Variants in MTA2 observed in about 807,000 individuals in gnomAD.
MTA2 encodes the protein metastasis associated 1 family member 2.
A neutral mutation model predicts 87.1 loss-of-function variants in MTA2; 22 were observed. That is an observed-to-expected ratio of 0.25 (90% CI 0.18 to 0.36). The LOEUF (loss-of-function observed/expected upper bound fraction) is 0.36, where lower values mean the gene tolerates loss of function less well. Ranked by LOEUF, MTA2 falls within the 10% of genes least tolerant of loss-of-function variation. MTA2 has a pLI of 1.00. For synonymous variants in MTA2, 314 were observed against 310.1 expected, an observed-to-expected ratio of 1.01 and a Z score of -0.13; for missense variants, 542 against 853.2, an observed-to-expected ratio of 0.64 and a Z score of 4.54.
rs142808404 is a variant in MTA2 at position 62,594,000 on chromosome 11, C to T, written c.1882G>A (p.Ala628Thr). The change falls in exon 18 of 18, where the codon GCT (alanine) becomes ACT (threonine). Residue 628 changes from alanine (A) to threonine (T), a missense_variant. Physicochemically the swap from Ala to Thr is moderately conservative, Grantham distance 58. Transcript: ENST00000278823. ...AGGGGCAAGTTGGGTCGGCGAGCAG[C>T]TCGCCGCATTTCCAGATGGGTCAGA... is the stretch of plus-strand genomic sequence containing the variant. ...KALTHLEMRR[A>T]ARRPNLPLKV... is the part of the protein sequence containing the mutation. The T allele has an allele frequency of 6.2e-7, 1 of 1,612,672 alleles. No individual in the cohort carries two copies. The highest frequency in any genetic ancestry group is 1.3e-5 in the African/African-American group (1 of 74,928).
At chr11:62,597,492 G>C in intron 7 of MTA2, 77 bp from the exon 8 acceptor site, 4 of 1,520,580 alleles carry the variant, frequency 2.6e-6, no homozygotes, top group Non-Finnish European at 3.6e-6. Context: ...AGCCAAAGGA[G>C]AAAGAAGGAA....
At position 62,598,091 on chromosome 11, in the gene MTA2, G is replaced by C; in HGVS notation, c.423C>G (p.Leu141=). The C allele has an allele frequency of 6.2e-7, 1 of 1,614,048 alleles. No individual in the cohort carries two copies. The highest frequency in any genetic ancestry group is 8.5e-7 in the Non-Finnish European group (1 of 1,180,036). ...LVFDPVQKTL[L]ADQGEIRVGC... is the part of the protein sequence containing the mutation. ...CAACTCTAATCTCGCCCTGATCAGC[G>C]AGAAGTGTCTTCTGCACGGGGTCAA... Residue 141 remains leucine (L), a synonymous_variant, in exon 6 of 18, where the codon CTC becomes CTG. Coordinates refer to ENST00000278823, the MANE Select transcript of MTA2 (RefSeq NM_004739.4).
In MTA2 at chr11:62,595,725, C is replaced by T; in HGVS notation, c.1254+27G>A. On this transcript the variant is annotated intron_variant, in intron 13 of 17. Coordinates refer to ENST00000278823, the MANE Select transcript of MTA2 (RefSeq NM_004739.4). The surrounding 1 kb of genome is among the most constrained non-coding windows in gnomAD (Gnocchi z 4.9). ...ACCATCAATATGCTTACTGCTCTCCCCTGCTTTTCTTCCCACTGATCCTTA... is the reference window on the plus strand; with the variant it reads ...ACCATCAATATGCTTACTGCTCTCCTCTGCTTTTCTTCCCACTGATCCTTA... The T allele has an allele frequency of 6.2e-7, 1 of 1,612,978 alleles. No homozygotes were observed. The highest frequency in any genetic ancestry group is 8.5e-7 in the Non-Finnish European group (1 of 1,179,274).
chr11:62,595,723 C>T lies in MTA2; in HGVS notation c.1254+29G>A. The T allele has an allele frequency of 1.2e-6, 2 of 1,612,810 alleles. No individual in the cohort carries two copies. Among genetic ancestry groups the T allele is most frequent in the Non-Finnish European group, 1.7e-6 (2 of 1,179,188 alleles). On this transcript the variant is annotated intron_variant, in intron 13 of 17. Transcript: ENST00000278823. The surrounding 1 kb of genome is among the most constrained non-coding windows in gnomAD (Gnocchi z 4.9). ...TCACCATCAATATGCTTACTGCTCT[C>T]CCCTGCTTTTCTTCCCACTGATCCT...
chr11:62,596,919 G>C, intron 8 of MTA2, 94 bp from the exon 9 acceptor site: 1 of 1,296,820 alleles, frequency 7.7e-7, no homozygotes, highest in Non-Finnish European at 1.1e-6. Flanking sequence ...GCCGGGCGCG[G>C]TGGCTCACAC....
Position 62,598,698 on chromosome 11 carries a change from G to A in MTA2, c.191-59C>T. On this transcript the variant is annotated intron_variant, in intron 3 of 17. Coordinates refer to ENST00000278823, the MANE Select transcript of MTA2 (RefSeq NM_004739.4). ...AATGGATCCAGCAAAACACCACCCT[G>A]GAAACTCTAACTCAGGGAAAATATT... 5.5e-6 allele frequency: 8 copies of A among 1,446,928 alleles called. No individual in the cohort carries two copies. The East Asian group carries it at 1.8e-4, about 33-fold the overall frequency. 89.6% of individuals were successfully genotyped at this position (1,446,928 alleles called of 1,614,324 possible). A position where few individuals can be genotyped will look rare whatever the true frequency, so the allele number is the denominator to read the frequency against.
chr11:62,597,519 A>T, intron 7 of MTA2, 91 bp downstream of exon 7: 1 of 1,497,326 alleles, frequency 6.7e-7, no homozygotes, highest in Non-Finnish European at 9.2e-7. Context: ...CATGGCAATG[A>T]AAGAAATAAA....
In MTA2 at chr11:62,600,756, T is replaced by G. The variant is rs1942174971; in HGVS notation, c.29-67A>C. 9 of 1,470,036 alleles carry G rather than the reference T, an allele frequency of 6.1e-6. No individual in the cohort carries two copies. The South Asian group carries it at 9.3e-5, about 15-fold the overall frequency. 91.1% of individuals were successfully genotyped at this position (1,470,036 alleles called of 1,614,324 possible). ...AGATGGGAGACGCAGAGCACCAGGG[T>G]AGGAGAGAAAGTTGGCCTGAGTGGA... On this transcript the variant is annotated intron_variant, in intron 1 of 17. Coordinates refer to ENST00000278823, the MANE Select transcript of MTA2 (RefSeq NM_004739.4).
Position 62,593,898 on chromosome 11 carries a change from C to T in MTA2, c.1984G>A (p.Glu662Lys). ...GCTCAGTCCTCCAGGACAATAGGCT[C>T]ATTGGTGCTGGCAGGATGTGAGGGT... ...PAPSHPASTN[E>K]PIVLED Residue 662 changes from glutamate to lysine, a missense_variant, in exon 18 of 18, where the codon GAG becomes AAG. By Grantham distance (56) the Glu-to-Lys change is moderately conservative. This residue lies in a region of MTA2 where 269 missense variants were observed against 346.4 expected (regional missense o/e 0.78). Coordinates refer to ENST00000278823, the MANE Select transcript of MTA2 (RefSeq NM_004739.4). 2 of 1,614,162 alleles carry T rather than the reference C, an allele frequency of 1.2e-6. No homozygotes were observed. Among genetic ancestry groups the T allele is most frequent in the African/African-American group, 1.3e-5 (1 of 75,032 alleles).
intron 8 of MTA2, 97 bp from the exon 9 acceptor site, chr11:62,596,922 G>T: frequency 8.0e-7 from 1 of 1,245,044 alleles, no homozygotes; most frequent in Non-Finnish European, 1.1e-6. Flanking sequence ...GGGCGCGGTG[G>T]CTCACACCCA....
At position 62,598,129 on chromosome 11, in the gene MTA2, A is replaced by G. The variant is rs777348206; in HGVS notation, c.385T>C (p.Tyr129His). 3.1e-6 allele frequency: 5 copies of G among 1,613,700 alleles called. No individual in the cohort carries two copies. Among genetic ancestry groups the G allele is most frequent in the South Asian group, 2.2e-5 (2 of 91,080 alleles). Reference protein sequence around the residue: ...QYLEKEDCFFYSLVFDPVQKT... With the variant: ...QYLEKEDCFFHSLVFDPVQKT... ...TGCACGGGGTCAAACACCAGTGAGT[A>G]AAAAAAGCAGTCCTGGAATTGGGGA... is the stretch of plus-strand genomic sequence containing the variant. The change falls in exon 6 of 18, where the codon TAC (tyrosine) becomes CAC (histidine). Residue 129 changes from tyrosine (Y) to histidine (H), a missense_variant. Around this residue, in one of 6 missense-constraint regions of MTA2, gnomAD observed 150 missense variants for 243.9 expected, o/e 0.62. Coordinates refer to ENST00000278823, the MANE Select transcript of MTA2 (RefSeq NM_004739.4).
chr11:62,600,509 G>A (rs1473036523), intron 2 of MTA2, 113 bp downstream of exon 2: 1 of 1,024,118 alleles, frequency 9.8e-7, no homozygotes. Context: ...TCCAATGAAT[G>A]AATGAACGAA....
rs1054107157 is a variant in MTA2, at chr11:62,596,884, G to C, written c.694-59C>G. 3.3e-6 allele frequency: 5 copies of C among 1,534,288 alleles called. 1 individual carries two copies. The highest frequency in any genetic ancestry group is 4.4e-6 in the Non-Finnish European group (5 of 1,135,292). On this transcript the variant is annotated intron_variant, in intron 8 of 17. Transcript: ENST00000278823. ...AAACTTTTGGCACCACTCCCTTCCTGCTCCTTAAAACACTCCCACTCCCGG... is the reference window on the plus strand; with the variant it reads ...AAACTTTTGGCACCACTCCCTTCCTCCTCCTTAAAACACTCCCACTCCCGG...
chr11:62,594,060 G>T lies in MTA2; in HGVS notation c.1842-20C>A. On this transcript the variant is annotated intron_variant, in intron 17 of 17. Transcript: ENST00000278823. ...AGGGCCCTGGCCAGAAAGAGCAAGT[G>T]GGAAACAGAAAAGGCTTAGAGAACA... is the stretch of plus-strand genomic sequence containing the variant. 6.3e-7 allele frequency: 1 copy of T among 1,576,340 alleles called. No individual in the cohort carries two copies. Among genetic ancestry groups the T allele is most frequent in the Non-Finnish European group, 8.6e-7 (1 of 1,162,830 alleles).
chr11:62,594,156 C>T, intron 17 of MTA2, 103 bp downstream of exon 17: 1 of 1,566,614 alleles, frequency 6.4e-7, no homozygotes, highest in Non-Finnish European at 8.7e-7. Flanking sequence ...CATCCCCACC[C>T]TGCATCCACA....
chr11:62,597,444 G>T, intron 7 of MTA2, 29 bp from the exon 8 acceptor site: 2 of 1,594,828 alleles, frequency 1.3e-6, no homozygotes, highest in Non-Finnish European at 1.7e-6. Flanking sequence ...AGTCAAAAGC[G>T]AAAGAAAAGT....
At chr11:62,598,269 C>G in intron 5 of MTA2, 58 bp downstream of exon 5, 1 of 1,588,848 alleles carries the variant, frequency 6.3e-7, no homozygotes, top group Non-Finnish European at 8.6e-7. Flanking sequence ...TCCTTTCCCC[C>G]TCTCTTTTGC....
At chr11:62,599,603 A>T (rs181718862) in intron 3 of MTA2, among the ~76,000 whole-genome samples, 1,970 of 152,036 alleles carry the variant, frequency 0.013, 20 homozygotes, top group Middle Eastern at 0.024. Flanking sequence ...TATGTTTTTT[A>T]AAAAAAGAAG....
At chr11:62,599,684 G>A (rs900197775) in intron 3 of MTA2, among the ~76,000 whole-genome samples, 3 of 151,186 alleles carry the variant, frequency 2.0e-5, no homozygotes, top group African/African-American at 4.8e-5. Context: ...GGGGGCGGGC[G>A]GGGAAATGGG....
Sources: gnomAD v4.1 joint callset for allele counts (sites outside exome capture counted in the v4.1 genomes callset) on GRCh38, gnomAD v4.1.1 for gene constraint, gnomAD v4.1.1 regional missense constraint, Gnocchi (gnomAD v3.1) non-coding constraint, MANE v1.5 for transcripts, NCBI Gene and HGNC (gene_info 2026-07-23, HGNC 2026-07-21) for gene names.